The following DNAAF11 variants were observed in gnomAD, a reference collection of about 807,000 sequenced individuals.
The protein encoded by DNAAF11 is leucine rich repeat containing 6.
DNAAF11 carries 45 observed loss-of-function variants against 60.8 expected under a neutral mutation model. The observed-to-expected ratio is 0.74, with a 90% confidence interval of 0.58 to 0.95. The LOEUF is 0.95. Among genes scored for constraint, DNAAF11 ranks in the 40% least tolerant of loss-of-function variants. The probability of loss-of-function intolerance (pLI) is 0.00; values close to 1 mark genes in which losing one functional copy is unlikely to be tolerated. For missense variants in DNAAF11, 546 were observed against 546.2 expected, an observed-to-expected ratio of 1.00 and a Z score of 0.00; for synonymous variants, 191 against 183.5, an observed-to-expected ratio of 1.04 and a Z score of -0.33.
intron 1 of DNAAF11, among the ~76,000 whole-genome samples, chr8:132,662,025 T>A (rs371707321): frequency 3.5e-4 from 54 of 152,318 alleles, no homozygotes; most frequent in African/African-American, 1.3e-3. Context: ...AGAGGCACAG[T>A]TGAGCTGTCA....
At chr8:132,656,953 A>C (rs1454135530) in intron 2 of DNAAF11, 46 bp from the exon 3 acceptor site, 1 of 694,302 alleles carries the variant, frequency 1.4e-6, no homozygotes, top group Non-Finnish European at 2.5e-6. Context: ...CTTCAAAATA[A>C]AGACACTTTT....
Position 132,586,670 on chromosome 8 carries a change from C to T in DNAAF11, c.1141-2891G>A, listed in dbSNP as rs111966823. ...GAGAACTTGGGGGTCTACAATCCAA[C>T]CTCTCTGATCAATGTGAGATCTAGA... On this transcript the variant is annotated intron_variant, in intron 10 of 11. Coordinates refer to ENST00000620350, the MANE Select transcript of DNAAF11 (RefSeq NM_012472.6). Among the ~76,000 whole-genome samples, 586 of 152,276 alleles carry T rather than the reference C, an allele frequency of 3.8e-3. 11 individuals are homozygous for T. Among genetic ancestry groups the T allele is most frequent in the African/African-American group, 0.014 (568 of 41,562 alleles).
At chr8:132,688,705 G>T in the DNAAF11 span, among the ~76,000 whole-genome samples, 2 of 152,138 alleles carry the variant, frequency 1.3e-5, no homozygotes, top group East Asian at 1.9e-4. Flanking sequence ...AGAACAAAAA[G>T]GTGGAGAGAG....
the DNAAF11 span, chr8:132,687,517 G>A: frequency 2.5e-5 from 11 of 438,864 alleles, no homozygotes; most frequent in African/African-American, 4.0e-5. Flanking sequence ...TCATCTCATC[G>A]CTTCAGACAG....
intron 1 of DNAAF11, among the ~76,000 whole-genome samples, chr8:132,674,516 G>A (rs1825583207): frequency 6.6e-6 from 1 of 152,156 alleles, no homozygotes; most frequent in Non-Finnish European, 1.5e-5. Flanking sequence ...GCTCAAAAAC[G>A]TTGTCGATAT....
chr8:132,632,682 A>C (rs1439980357), intron 5 of DNAAF11, 58 bp downstream of exon 5: 4 of 1,184,002 alleles, frequency 3.4e-6, no homozygotes, highest in Non-Finnish European at 5.0e-6. Flanking sequence ...TGGAAAGAGA[A>C]TACAGTTTGC....
intron 10 of DNAAF11, among the ~76,000 whole-genome samples, chr8:132,601,219 T>A (rs1398586088): frequency 6.6e-6 from 1 of 152,126 alleles, no homozygotes; most frequent in Non-Finnish European, 1.5e-5. Context: ...AAAACCACAA[T>A]GAGATCCCAT....
intron 1 of DNAAF11, among the ~76,000 whole-genome samples, chr8:132,664,034 T>A (rs1462853894): frequency 6.6e-6 from 1 of 152,234 alleles, no homozygotes; most frequent in Non-Finnish European, 1.5e-5. Flanking sequence ...AACTCCAGCA[T>A]AGGAAATGCA....
intron 1 of DNAAF11, among the ~76,000 whole-genome samples, chr8:132,666,892 C>A (rs1824689845): frequency 6.6e-6 from 1 of 152,132 alleles, no homozygotes. Context: ...AGATGGCAAG[C>A]TTCCTATCTT....
Position 132,611,287 on chromosome 8 carries a change from T to C in DNAAF11, c.1044+7A>G, listed in dbSNP as rs1191210903. On this transcript the variant is annotated splice_region_variant and intron_variant, in intron 9 of 11. Transcript: ENST00000620350. ...GAAATTGTAATAGCCTACAGGGTTCTACTTACCTTTCCTTTGATCATTACT... is the reference window on the plus strand; with the variant it reads ...GAAATTGTAATAGCCTACAGGGTTCCACTTACCTTTCCTTTGATCATTACT... 4 of 1,603,952 alleles carry C rather than the reference T, an allele frequency of 2.5e-6. No individual in the cohort carries two copies. Among genetic ancestry groups the C allele is most frequent in the Admixed American group, 1.7e-5 (1 of 59,964 alleles).
intron 1 of DNAAF11, among the ~76,000 whole-genome samples, chr8:132,673,287 C>A (rs1210149289): frequency 3.3e-5 from 5 of 152,174 alleles, no homozygotes; most frequent in African/African-American, 9.7e-5. Context: ...TGTCAGTAAT[C>A]CTTCCCTGCC....
At chr8:132,578,431 C>T in intron 11 of DNAAF11, 1 of 1,496,346 alleles carries the variant, frequency 6.7e-7, no homozygotes, top group Non-Finnish European at 8.8e-7. Context: ...GCCTTAATGT[C>T]AGAGGCCTCT....
chr8:132,677,414 G>A (rs1028976629), upstream of DNAAF11, among the ~76,000 whole-genome samples: 11 of 151,788 alleles, frequency 7.2e-5, no homozygotes, highest in South Asian at 6.2e-4. Flanking sequence ...ACAAAGAAAC[G>A]ATGTCTCTTA....
At chr8:132,646,847 G>A in intron 3 of DNAAF11, among the ~76,000 whole-genome samples, 1 of 152,224 alleles carries the variant, frequency 6.6e-6, no homozygotes, top group African/African-American at 2.4e-5. Flanking sequence ...CATAAAGCAA[G>A]TCCTTAGAGA....
intron 3 of DNAAF11, among the ~76,000 whole-genome samples, chr8:132,649,286 A>C (rs935418177): frequency 6.6e-6 from 1 of 152,252 alleles, no homozygotes; most frequent in African/African-American, 2.4e-5. Flanking sequence ...CCTGTTTAAT[A>C]AATGCTGCTG....
the DNAAF11 span, among the ~76,000 whole-genome samples, chr8:132,691,853 A>C: frequency 6.6e-6 from 1 of 152,150 alleles, no homozygotes; most frequent in African/African-American, 2.4e-5. Context: ...AGGAAGGCCC[A>C]TGTGGCTGGA....
chr8:132,631,715 T>C (rs1563652930), intron 5 of DNAAF11, among the ~76,000 whole-genome samples: 1 of 152,156 alleles, frequency 6.6e-6, no homozygotes, highest in Non-Finnish European at 1.5e-5. Context: ...AATGATATTT[T>C]ATTTCTTATT....
chr8:132,696,466 AT>A, the DNAAF11 span, among the ~76,000 whole-genome samples: 22 of 152,214 alleles, frequency 1.4e-4, no homozygotes, highest in Non-Finnish European at 1.2e-4. Flanking sequence ...ATGTATGTGA[AT>A]TTCATAGCAG....
intron 1 of DNAAF11, among the ~76,000 whole-genome samples, chr8:132,666,984 G>A (rs960255137): frequency 6.6e-6 from 1 of 152,164 alleles, no homozygotes; most frequent in African/African-American, 2.4e-5. Context: ...AGCTCAGAAG[G>A]AGAGAGGCCA....
Sources: allele counts gnomAD v4.1 joint callset (sites outside exome capture counted in the v4.1 genomes callset), GRCh38; gene constraint gnomAD v4.1.1; transcripts MANE v1.5; gene names NCBI Gene and HGNC (gene_info 2026-07-23, HGNC 2026-07-21).